NSD2: variants seen among roughly 807,000 people sequenced by gnomAD.
NSD2 encodes histone-lysine N-methyltransferase NSD2.
A neutral mutation model predicts 139.0 loss-of-function variants in NSD2; 12 were observed. The ratio of observed to expected loss-of-function variants is 0.09; its 90% CI spans 0.06 to 0.14. NSD2 has a LOEUF of 0.14. Ranked by LOEUF, NSD2 falls within the 10% of genes least tolerant of loss-of-function variation. NSD2 has a pLI of 1.00. For missense variants in NSD2, 1,155 were observed against 1,745.0 expected (o/e 0.66, Z 6.02); for synonymous variants, 669 against 648.7 (o/e 1.03, Z -0.48).
intron 3 of NSD2, among the ~76,000 whole-genome samples, chr4:1,908,215 CATG>C (rs1718195863): frequency 6.6e-6 from 1 of 152,224 alleles, no homozygotes; most frequent in African/African-American, 2.4e-5. Flanking sequence ...TTAGCTTTCT[CATG>C]ATCAGACCTA....
At chr4:1,978,010 C>G (rs1019950025) in intron 21 of NSD2, among the ~76,000 whole-genome samples, 1 of 151,742 alleles carries the variant, frequency 6.6e-6, no homozygotes, top group African/African-American at 2.4e-5. Flanking sequence ...GCCTGTAATC[C>G]TGGCTACTCG....
chr4:1,932,381 G>A (rs1721748407), intron 6 of NSD2, among the ~76,000 whole-genome samples: 1 of 149,504 alleles, frequency 6.7e-6, no homozygotes, highest in African/African-American at 2.5e-5. Flanking sequence ...AGAGGTTGCA[G>A]TGAGGCAAGA....
chr4:1,897,886 TAAAGTG>T (rs1716577232), intron 1 of NSD2, among the ~76,000 whole-genome samples: 1 of 152,190 alleles, frequency 6.6e-6, no homozygotes, highest in Non-Finnish European at 1.5e-5. Flanking sequence ...CTCAGCCTCC[TAAAGTG>T]CTGGGATTGC....
intron 2 of NSD2, among the ~76,000 whole-genome samples, chr4:1,903,254 A>T (rs1268460404): frequency 2.0e-5 from 3 of 152,106 alleles, no homozygotes; most frequent in African/African-American, 7.2e-5. Flanking sequence ...CTAGAGATTC[A>T]CCCTTGGAGG....
intron 7 of NSD2, among the ~76,000 whole-genome samples, chr4:1,937,262 C>T (rs1395777967): frequency 6.6e-6 from 1 of 152,058 alleles, no homozygotes; most frequent in Non-Finnish European, 1.5e-5. Context: ...CCATGTTGGC[C>T]AGGCTGGTCT....
chr4:1,919,985 A>C (rs1719911255), intron 5 of NSD2, among the ~76,000 whole-genome samples: 1 of 152,152 alleles, frequency 6.6e-6, no homozygotes, highest in South Asian at 2.1e-4. Flanking sequence ...ATGAATCTTT[A>C]ACCAGCATGT....
chr4:1,959,406 G>A (rs1577546984), intron 16 of NSD2, 65 bp from the exon 17 acceptor site: 2 of 1,564,256 alleles, frequency 1.3e-6, no homozygotes, highest in East Asian at 4.5e-5. Flanking sequence ...AGGCAGTGGT[G>A]GGTGTGCAAG....
At chr4:1,903,410 C>G (rs1423391109) in intron 2 of NSD2, among the ~76,000 whole-genome samples, 1 of 152,128 alleles carries the variant, frequency 6.6e-6, no homozygotes, top group Non-Finnish European at 1.5e-5. Context: ...CAGAGAGCCC[C>G]AAGGACTCAA....
Position 1,974,752 on chromosome 4 carries a change from A to G in NSD2, c.3373-111A>G, listed in dbSNP as rs760490927. The G allele has an allele frequency of 6.7e-7, 1 of 1,483,992 alleles. No homozygotes were observed. The highest frequency in any genetic ancestry group is 1.1e-5 in the South Asian group (1 of 87,572). The allele number at this position is 1,483,992 out of a possible 1,614,324, so 91.9% of individuals were successfully genotyped here. On this transcript the variant is annotated intron_variant, in intron 18 of 21. Transcript: ENST00000508803. The surrounding 1 kb of genome is among the most constrained non-coding windows in gnomAD (Gnocchi z 4.0). ...GTGGACACAGGACACCACGGTTTTC[A>G]GTACAACAAGGAACACAACTTGTTC...
intron 1 of NSD2, among the ~76,000 whole-genome samples, chr4:1,871,815 C>T (rs1234561192): frequency 8.2e-6 from 1 of 122,184 alleles, no homozygotes; most frequent in Non-Finnish European, 1.7e-5. Flanking sequence ...CCGCGGAGGC[C>T]GGGACGAGTC....
At chr4:1,877,344 C>T (rs1714335067) in intron 1 of NSD2, among the ~76,000 whole-genome samples, 1 of 152,154 alleles carries the variant, frequency 6.6e-6, no homozygotes, top group African/African-American at 2.4e-5. Flanking sequence ...TATGTGTCCC[C>T]AGTCTTCAGG....
Position 1,956,025 on chromosome 4 carries a change from A to T in NSD2, c.2718A>T (p.Pro906=), listed in dbSNP as rs1724770674. 6.2e-7 allele frequency: 1 copy of T among 1,613,938 alleles called. No homozygotes were observed. The highest frequency in any genetic ancestry group is 1.3e-5 in the African/African-American group (1 of 74,916). ...TTTGCCATCCCAAAAATGTTCCCCC[A>T]AATATTCAGAAAATGAAGCACGAGA... ...AEVCHPKNVP[P]NIQKMKHEIG... is the part of the protein sequence containing the mutation. Residue 906 remains proline, a synonymous_variant, in exon 15 of 22, where the codon CCA becomes CCT. Transcript: ENST00000508803. This position sits in a 1 kb window ranked among gnomAD's most constrained non-coding sequence, Gnocchi z 5.3.
At chr4:1,876,491 C>T (rs1220567894) in intron 1 of NSD2, among the ~76,000 whole-genome samples, 1 of 151,950 alleles carries the variant, frequency 6.6e-6, no homozygotes, top group East Asian at 1.9e-4. Flanking sequence ...AGGAGTTTGA[C>T]ACCAGCTTGG....
chr4:1,928,071 CTT>C (rs568094064), intron 5 of NSD2, among the ~76,000 whole-genome samples: 12 of 138,976 alleles, frequency 8.6e-5, no homozygotes, highest in Non-Finnish European at 7.9e-5. Context: ...AAAATAATTT[CTT>C]TTTTTTTTTT....
chr4:1,912,277 A>G (rs989526385), intron 3 of NSD2: 3 of 178,162 alleles, frequency 1.7e-5, no homozygotes, highest in South Asian at 1.0e-4. Flanking sequence ...TTAACTTTCT[A>G]TCATGGAAAA....
chr4:1,874,364 C>T (rs1714096070), intron 1 of NSD2, among the ~76,000 whole-genome samples: 1 of 152,158 alleles, frequency 6.6e-6, no homozygotes, highest in African/African-American at 2.4e-5. Flanking sequence ...CCTGTCCTTC[C>T]TCTTTGAGCA....
chr4:1,916,876 A>G lies in NSD2; in HGVS notation c.766A>G (p.Lys256Glu). The G allele has an allele frequency of 6.3e-7, 1 of 1,595,678 alleles. No homozygotes were observed. Among genetic ancestry groups the G allele is most frequent in the Non-Finnish European group, 8.5e-7 (1 of 1,174,046 alleles). ...LHSYTKLKGQ[K>E]KSARQYHVQF... ...CATTTTATTTTAAAAACTAGGTCAG[A>G]AAAAGAGTGCACGCCAGTATCACGT... Residue 256 changes from lysine (K) to glutamate (E), a missense_variant, in exon 4 of 22, where the codon AAA (lysine) becomes GAA (glutamate). By Grantham distance (56) the Lys-to-Glu change is moderately conservative. Around this residue, in one of 8 missense-constraint regions of NSD2, gnomAD observed 34 missense variants for 75.2 expected, o/e 0.45. Transcript: ENST00000508803.
chr4:1,971,585 C>CCGTGTACTTTTCAGAGGCA (rs1220945984), intron 18 of NSD2, among the ~76,000 whole-genome samples: 1 of 152,152 alleles, frequency 6.6e-6, no homozygotes, highest in African/African-American at 2.4e-5. Context: ...CACAATAGTG[C>CCGTGTACTTTTCAGAGGCA]CGTGTACTTT....
chr4:1,952,544 C>G (rs1002740975), intron 11 of NSD2, among the ~76,000 whole-genome samples: 1 of 152,170 alleles, frequency 6.6e-6, no homozygotes, highest in Admixed American at 6.5e-5. Flanking sequence ...ATGTGTGAGG[C>G]GGCCACCACA....
Sources: allele counts gnomAD v4.1 joint callset (sites outside exome capture counted in the v4.1 genomes callset), GRCh38; gene constraint gnomAD v4.1.1; regional missense constraint gnomAD v4.1.1; non-coding constraint Gnocchi (gnomAD v3.1); transcripts MANE v1.5; gene names NCBI Gene and HGNC (gene_info 2026-07-23, HGNC 2026-07-21).